COMMD4: variants seen among roughly 807,000 people sequenced by gnomAD.
The protein encoded by COMMD4 is COMM domain containing 4, also known as COMM domain-containing protein 4.
Under a neutral mutation model 27.5 loss-of-function variants are expected in COMMD4, and 18 were observed. The observed-to-expected ratio is 0.65, with a 90% CI of 0.45 to 0.97. COMMD4 has a LOEUF of 0.97. Among genes scored for constraint, COMMD4 ranks in the 50% least tolerant of loss-of-function variants. The probability of loss-of-function intolerance (pLI) is 0.00; values close to 1 mark genes in which losing one functional copy is unlikely to be tolerated. For synonymous variants in COMMD4, 108 were observed against 108.4 expected (o/e 1.00, Z 0.02); for missense variants, 243 against 250.0 (o/e 0.97, Z 0.19).
In COMMD4 at chr15:75,339,712, G is replaced by T; in HGVS notation, c.393G>T (p.Leu131Phe). 1 of 1,595,902 alleles carries T rather than the reference G, an allele frequency of 6.3e-7. No individual in the cohort carries two copies. Among genetic ancestry groups the T allele is most frequent in the South Asian group, 1.1e-5 (1 of 88,416 alleles). ...CACCCCATCTCACAGTGAATAGGTT[G>T]GCAGGTGTGGGCTGGCGGGTGGACT... is the stretch of plus-strand genomic sequence containing the variant. ...LRVCSLRMNRLAGVGWRVDYT... is the reference protein window; with the variant it reads ...LRVCSLRMNRFAGVGWRVDYT... The change falls in exon 7 of 8, where the codon TTG becomes TTT. Residue 131 changes from leucine (L) to phenylalanine (F), a missense_variant. Transcript: ENST00000267935.
intron 2 of COMMD4, 71 bp downstream of exon 2, chr15:75,338,204 G>A (rs757556662): frequency 3.8e-5 from 58 of 1,541,072 alleles, no homozygotes; most frequent in Non-Finnish European, 4.3e-5. Flanking sequence ...GTAGAGGATG[G>A]TGAGGTTTCT....
chr15:75,339,603 C>G, intron 6 of COMMD4, 99 bp from the exon 7 acceptor site: 1 of 1,346,314 alleles, frequency 7.4e-7, no homozygotes, highest in East Asian at 2.4e-5. Context: ...TCTTAGAGGC[C>G]ACATAGCCTT....
At chr15:75,342,345 A>T (rs2141302369), downstream of COMMD4, 1 of 152,360 alleles carries the variant, frequency 6.6e-6, no homozygotes, top group South Asian at 2.1e-4. Context: ...GTTCGAGACC[A>T]GGCTGGGCAA....
chr15:75,338,516 C>T, intron 3 of COMMD4, 96 bp downstream of exon 3: 1 of 1,566,526 alleles, frequency 6.4e-7, no homozygotes, highest in Admixed American at 1.8e-5. Context: ...GTGAGCCAGC[C>T]TCTCAACCTC....
intron 1 of COMMD4, chr15:75,337,736 C>T (rs543559906): frequency 2.4e-4 from 81 of 341,784 alleles, no homozygotes; most frequent in East Asian, 1.3e-3. Flanking sequence ...AGAGTTCACT[C>T]GTCTCTGTGA....
At chr15:75,337,260 T>A (rs1394894715) in intron 1 of COMMD4, 1 of 150,442 alleles carries the variant, frequency 6.6e-6, no homozygotes, top group Non-Finnish European at 1.5e-5. Flanking sequence ...TTTTATTTTT[T>A]AAAAAAAGAA....
chr15:75,339,770 G>A lies in COMMD4; in HGVS notation c.451G>A (p.Glu151Lys), dbSNP rs1482742747. The part of the protein sequence containing the change: ...TLSSSLLQSV[E>K]EPMVHLRLEV... ...GAGCTCCAGCCTGCTGCAATCCGTG[G>A]AAGAGCCCATGGTGCACCTGCGGCT... The change falls in exon 7 of 8, where the codon GAA (glutamate) becomes AAA (lysine). Residue 151 changes from glutamate to lysine, a missense_variant. Coordinates refer to ENST00000267935, the MANE Select transcript of COMMD4 (RefSeq NM_017828.5). The A allele has an allele frequency of 6.2e-7, 1 of 1,614,072 alleles. No individual in the cohort carries two copies. The highest frequency in any genetic ancestry group is 8.5e-7 in the Non-Finnish European group (1 of 1,179,988).
chr15:75,341,072 A>G (rs970966764), downstream of COMMD4: 1 of 152,330 alleles, frequency 6.6e-6, no homozygotes, highest in Admixed American at 6.5e-5. Context: ...CTGTCCACAC[A>G]TGCACACCAG....
intron 3 of COMMD4, 101 bp from the exon 4 acceptor site, chr15:75,338,545 T>C (rs1329855402): frequency 6.3e-7 from 1 of 1,577,608 alleles, no homozygotes; most frequent in Non-Finnish European, 8.7e-7. Flanking sequence ...CCTCCCTTCC[T>C]TCTTTCCAGC....
At position 75,338,356 on chromosome 15, in the gene COMMD4, C is replaced by A; in HGVS notation, c.77C>A (p.Ser26Tyr). The change falls in exon 3 of 8, where the codon TCC becomes TAC. Residue 26 changes from serine to tyrosine, a missense_variant and splice_region_variant. Physicochemically the swap from Ser to Tyr is moderately radical, Grantham distance 144. Coordinates refer to ENST00000267935, the MANE Select transcript of COMMD4 (RefSeq NM_017828.5). Reference sequence around the variant, plus strand: ...CTGATGTAAGGACTTCCCTTCCAGTCCTCTGTGAAGTTGCGGCTGCTCTGC... The same window carrying A: ...CTGATGTAAGGACTTCCCTTCCAGTACTCTGTGAAGTTGCGGCTGCTCTGC... ...LAEISTLAKM[S>Y]SVKLRLLCSQ... is the part of the protein sequence containing the mutation. 1 of 1,599,198 alleles carries A rather than the reference C, an allele frequency of 6.3e-7. No individual in the cohort carries two copies. The highest frequency in any genetic ancestry group is 1.7e-5 in the Admixed American group (1 of 58,190).
At chr15:75,336,470 A>T (rs1214586846) in intron 1 of COMMD4, 11 of 521,068 alleles carry the variant, frequency 2.1e-5, no homozygotes, top group Non-Finnish European at 3.6e-5. Context: ...GGGCTTGTAC[A>T]AGAAGGTGCT....
intron 1 of COMMD4, 43 bp from the exon 2 acceptor site, chr15:75,338,019 C>G (rs1477284019): frequency 6.4e-7 from 1 of 1,570,494 alleles, no homozygotes; most frequent in African/African-American, 1.4e-5. Context: ...GGCCACACCT[C>G]AGGCCTCCCT....
intron 6 of COMMD4, 178 bp from the exon 7 acceptor site, chr15:75,339,524 C>T: frequency 3.5e-6 from 4 of 1,156,128 alleles, no homozygotes; most frequent in Non-Finnish European, 3.7e-6. Context: ...CTGAGGTCTG[C>T]TGTGGGTGAT....
chr15:75,338,767 C>T, intron 4 of COMMD4, 82 bp downstream of exon 4: 2 of 1,496,356 alleles, frequency 1.3e-6, no homozygotes, highest in Non-Finnish European at 1.8e-6. Context: ...CCCCCCACCC[C>T]TCCCAGCAGC....
chr15:75,336,286 G>A, intron 1 of COMMD4, 194 bp downstream of exon 1: 2 of 1,472,968 alleles, frequency 1.4e-6, no homozygotes, highest in South Asian at 1.4e-5. Flanking sequence ...GGTACGGGGC[G>A]GGTAAGACAG....
In COMMD4 at chr15:75,339,071, T is replaced by G. The variant is rs148548797; in HGVS notation, c.268T>G (p.Ser90Ala). 446 of 1,613,114 alleles carry G rather than the reference T, an allele frequency of 2.8e-4. No homozygotes were observed. In the East Asian group the frequency reaches 6.6e-3, roughly 24 times the overall value. ...GCACAGTGTCGATGGCGAATCCTTG[T>G]CCAGTGAACTGCAGCAGCTGGGGCT... ...AKHSVDGESL[S>A]SELQQLGLPK... Residue 90 changes from serine to alanine, a missense_variant, in exon 5 of 8, where the codon TCC becomes GCC. Ser to Ala is a moderately conservative substitution (Grantham distance 99). Transcript: ENST00000267935.
At position 75,338,071 on chromosome 15, in the gene COMMD4, T is replaced by A; in HGVS notation, c.13T>A (p.Phe5Ile). The A allele has an allele frequency of 6.2e-7, 1 of 1,607,292 alleles. No individual in the cohort carries two copies. The highest frequency in any genetic ancestry group is 8.5e-7 in the Non-Finnish European group (1 of 1,176,762). The change falls in exon 2 of 8, where the codon TTC (phenylalanine) becomes ATC (isoleucine). Residue 5 changes from phenylalanine to isoleucine, a missense_variant. Physicochemically the swap from Phe to Ile is conservative, Grantham distance 21. Coordinates refer to ENST00000267935, the MANE Select transcript of COMMD4 (RefSeq NM_017828.5). MRFR[F>I]CGDLDCPDWV... ...CCTCCCTCCCTTGCAGAGGTTCCGG[T>A]TCTGTGGTGATCTGGACTGTCCCGA...
downstream of COMMD4, chr15:75,342,339 G>A (rs1346911006): frequency 3.3e-5 from 5 of 152,288 alleles, no homozygotes; most frequent in East Asian, 1.9e-4. Flanking sequence ...CCAGGAGTTC[G>A]AGACCAGGCT....
chr15:75,338,729 A>G, intron 4 of COMMD4, 44 bp downstream of exon 4: 2 of 1,600,866 alleles, frequency 1.2e-6, no homozygotes, highest in Non-Finnish European at 1.7e-6. Context: ...AACCCTGGGA[A>G]CTTGGCCTGG....
Sources: gnomAD v4.1 joint callset for allele counts on GRCh38, gnomAD v4.1.1 for gene constraint, MANE v1.5 for transcripts, NCBI Gene and HGNC (gene_info 2026-07-23, HGNC 2026-07-21) for gene names.